Variants in PPARGC1B observed in about 807,000 individuals in gnomAD.
PPARGC1B encodes the protein peroxisome proliferator-activated receptor gamma coactivator 1-beta.
Under a neutral mutation model 101.6 loss-of-function variants are expected in PPARGC1B, and 34 were observed. The observed-to-expected ratio is 0.33, with a 90% confidence interval of 0.25 to 0.45. The LOEUF (loss-of-function observed/expected upper bound fraction) is 0.45, where lower values mean the gene tolerates loss of function less well. PPARGC1B is among the 20% of genes least tolerant of loss of function. The pLI, the probability that PPARGC1B is intolerant of heterozygous loss-of-function variation, is 1.00. For synonymous variants in PPARGC1B, 548 were observed against 539.3 expected (o/e 1.02, Z -0.22); for missense variants, 1,234 against 1,317.6 (o/e 0.94, Z 0.98).
chr5:149,810,746 C>T (rs1425698491), intron 1 of PPARGC1B, among the ~76,000 whole-genome samples: 2 of 152,140 alleles, frequency 1.3e-5, no homozygotes, highest in Non-Finnish European at 2.9e-5. Flanking sequence ...ACGGGAGATC[C>T]CGGTTTGTGT....
At chr5:149,782,411 A>G (rs1158557601) in intron 1 of PPARGC1B, among the ~76,000 whole-genome samples, 1 of 152,210 alleles carries the variant, frequency 6.6e-6, no homozygotes, top group Non-Finnish European at 1.5e-5. Context: ...TGGTGGCAGC[A>G]TATTAAAGTG....
rs750870909 is a variant in PPARGC1B, at chr5:149,826,700, G to C, written c.280G>C (p.Ala94Pro). 44 of 1,613,952 alleles carry C rather than the reference G, an allele frequency of 2.7e-5. No individual in the cohort carries two copies. Among genetic ancestry groups the C allele is most frequent in the Non-Finnish European group, 3.7e-5 (44 of 1,179,990 alleles). ...QIDSENEALL[A>P]ELTKTLDDIP... ...TGACAGTGAGAATGAGGCCCTCCTG[G>C]CAGAGCTCACCAAGACCCTGGATGA... The change falls in exon 3 of 12, where the codon GCA becomes CCA. Residue 94 changes from alanine (A) to proline (P), a missense_variant. Ala to Pro is a conservative substitution (Grantham distance 27, BLOSUM62 -1). Transcript: ENST00000309241.
At chr5:149,768,295 G>A (rs970704821) in intron 1 of PPARGC1B, among the ~76,000 whole-genome samples, 1 of 152,170 alleles carries the variant, frequency 6.6e-6, no homozygotes, top group Non-Finnish European at 1.5e-5. Flanking sequence ...TTTTTCTTTA[G>A]ACAAGGTCTG....
intron 1 of PPARGC1B, among the ~76,000 whole-genome samples, chr5:149,735,345 A>G (rs964834260): frequency 2.5e-4 from 38 of 152,160 alleles, no homozygotes; most frequent in African/African-American, 8.7e-4. Context: ...CGTGCAGGCC[A>G]GGCAGAAGTT....
Position 149,836,809 on chromosome 5 carries a change from G to T in PPARGC1B, c.2354G>T (p.Ser785Ile). The T allele has an allele frequency of 6.8e-6, 11 of 1,613,554 alleles. No individual in the cohort carries two copies. The highest frequency in any genetic ancestry group is 3.3e-4 in the Middle Eastern group (2 of 6,060). Residue 785 changes from serine (S) to isoleucine (I), a missense_variant, in exon 8 of 12, where the codon AGC becomes ATC. Coordinates refer to ENST00000309241, the MANE Select transcript of PPARGC1B (RefSeq NM_133263.4). ...LEEEDLASCK[S>I]PEYDTVFEDS... ...GAGGAAGACCTGGCCTCCTGCAAGA[G>T]CCCTGAGTATGACACTGTCTTTGAA...
In PPARGC1B at chr5:149,830,736, C is replaced by T. The variant is rs754975640; in HGVS notation, c.466-31C>T. 3.9e-6 allele frequency: 6 copies of T among 1,553,152 alleles called. No homozygotes were observed. The East Asian group carries it at 1.3e-4, about 35-fold the overall frequency. ...CATGTCCTCTGGCTGTGGCTCAGCC[C>T]CGGCTCCTGTCCTCTCTGCTTTTCC... On this transcript the variant is annotated intron_variant, in intron 3 of 11. Coordinates refer to ENST00000309241, the MANE Select transcript of PPARGC1B (RefSeq NM_133263.4).
chr5:149,820,282 G>C, intron 1 of PPARGC1B, 151 bp from the exon 2 acceptor site: 1 of 709,908 alleles, frequency 1.4e-6, no homozygotes, highest in Non-Finnish European at 2.4e-6. Context: ...ATTCAACCAA[G>C]GGGTGAAGCT....
At chr5:149,801,769 G>T (rs1757437605) in intron 1 of PPARGC1B, among the ~76,000 whole-genome samples, 2 of 152,136 alleles carry the variant, frequency 1.3e-5, no homozygotes, top group Non-Finnish European at 2.9e-5. Flanking sequence ...TGTGAACTGG[G>T]TCTGTCTCAG....
intron 1 of PPARGC1B, among the ~76,000 whole-genome samples, chr5:149,756,415 G>A (rs568303370): frequency 6.6e-6 from 1 of 152,230 alleles, no homozygotes; most frequent in Admixed American, 6.5e-5. Context: ...TTGCGGCACT[G>A]CACTCTAGCC....
chr5:149,857,847 A>G (rs1449640445), downstream of PPARGC1B: 1 of 152,280 alleles, frequency 6.6e-6, no homozygotes, highest in East Asian at 1.9e-4. Context: ...AGATTACAGT[A>G]GATGAGTGGT....
At chr5:149,799,687 G>GTT (rs1561553708) in intron 1 of PPARGC1B, among the ~76,000 whole-genome samples, 6 of 85,430 alleles carry the variant, frequency 7.0e-5, no homozygotes, top group African/African-American at 2.5e-4. Flanking sequence ...TTGTTTGCTT[G>GTT]TTGTTGTTTT....
chr5:149,825,049 G>T lies in PPARGC1B; in HGVS notation c.253-1624G>T, dbSNP rs56038214. Among the ~76,000 whole-genome samples, 946 of 151,788 alleles carry T rather than the reference G, an allele frequency of 6.2e-3. 12 individuals are homozygous for T. The highest frequency in any genetic ancestry group is 0.022 in the African/African-American group (898 of 41,362). ...CTGACCTGGGATGGGAAAGAGTGCC[G>T]GAGGAGGCATCATGTGACAGAATGT... On this transcript the variant is annotated intron_variant, in intron 2 of 11. Transcript: ENST00000309241.
intron 1 of PPARGC1B, among the ~76,000 whole-genome samples, chr5:149,764,924 AG>A (rs748762596): frequency 6.6e-6 from 1 of 152,258 alleles, no homozygotes; most frequent in Non-Finnish European, 1.5e-5. Context: ...GACTCCTCTT[AG>A]GAGAGAGTAG....
intron 1 of PPARGC1B, among the ~76,000 whole-genome samples, chr5:149,807,607 T>C (rs143747623): frequency 1.0e-3 from 153 of 152,290 alleles, no homozygotes; most frequent in African/African-American, 3.5e-3. Flanking sequence ...TCATTAGAAA[T>C]AGGGCACGTG....
intron 1 of PPARGC1B, among the ~76,000 whole-genome samples, chr5:149,734,360 T>A: frequency 2.8e-5 from 4 of 143,984 alleles, no homozygotes; most frequent in Non-Finnish European, 3.0e-5. Context: ...TTATCCTGAA[T>A]ATACTGATTT....
intron 1 of PPARGC1B, among the ~76,000 whole-genome samples, chr5:149,751,906 C>T (rs540756753): frequency 8.3e-4 from 126 of 152,222 alleles, no homozygotes; most frequent in African/African-American, 2.8e-3. Flanking sequence ...AGAACATAGA[C>T]GGTAGTCATA....
intron 1 of PPARGC1B, among the ~76,000 whole-genome samples, chr5:149,733,800 GGCATCAGTCATAGAT>G (rs1394379447): frequency 1.3e-5 from 2 of 152,152 alleles, no homozygotes; most frequent in Admixed American, 1.3e-4. Flanking sequence ...AGTTGCTTAG[GGCATCAGTCATAGAT>G]GCACAAAATG....
At chr5:149,812,886 G>C (rs879541908) in intron 1 of PPARGC1B, among the ~76,000 whole-genome samples, 4 of 152,330 alleles carry the variant, frequency 2.6e-5, no homozygotes, top group African/African-American at 7.2e-5. Context: ...GAGGAAACTC[G>C]GTGGGCTTCC....
chr5:149,823,998 G>A (rs899649388), intron 2 of PPARGC1B, among the ~76,000 whole-genome samples: 1 of 151,924 alleles, frequency 6.6e-6, no homozygotes, highest in Admixed American at 6.6e-5. Context: ...CTGCCACCAC[G>A]CCCCCCAAAA....
Sources: gnomAD v4.1 joint callset for allele counts (sites outside exome capture counted in the v4.1 genomes callset) on GRCh38, gnomAD v4.1.1 for gene constraint, MANE v1.5 for transcripts, NCBI Gene and HGNC (gene_info 2026-07-23, HGNC 2026-07-21) for gene names.